Variants in DLG2 observed in about 807,000 individuals in gnomAD.
DLG2 encodes the protein disks large homolog 2.
In DLG2, 45 loss-of-function variants were observed where a neutral mutation model predicts 132.5. The observed-to-expected ratio is 0.34, with a 90% CI of 0.27 to 0.44. The LOEUF (loss-of-function observed/expected upper bound fraction) is 0.44. Ranked by LOEUF, DLG2 falls within the 20% of genes least tolerant of loss-of-function variation. The pLI is 1.00. For missense variants in DLG2, 1,045 were observed against 1,196.9 expected (o/e 0.87, Z 1.87); for synonymous variants, 424 against 419.6 (o/e 1.01, Z -0.13).
intron 10 of DLG2, among the ~76,000 whole-genome samples, chr11:84,069,476 C>A (rs1046006323): frequency 3.2e-4 from 49 of 152,264 alleles, no homozygotes; most frequent in Admixed American, 1.9e-3. Flanking sequence ...TCATTTTCTA[C>A]CTGAAACTCT....
intron 6 of DLG2, among the ~76,000 whole-genome samples, chr11:84,714,716 C>T (rs539403797): frequency 6.7e-6 from 1 of 150,238 alleles, no homozygotes; most frequent in East Asian, 2.0e-4. Flanking sequence ...CCATCTTTCC[C>T]TTCCTATCAT....
At chr11:83,893,737 T>C (rs140483363) in intron 15 of DLG2, among the ~76,000 whole-genome samples, 187 of 152,380 alleles carry the variant, frequency 1.2e-3, no homozygotes, top group African/African-American at 4.2e-3. Context: ...CTGAGAATTC[T>C]TTAATGCCAT....
intron 16 of DLG2, among the ~76,000 whole-genome samples, chr11:83,843,304 A>G (rs980048280): frequency 6.6e-6 from 1 of 152,022 alleles, no homozygotes; most frequent in African/African-American, 2.4e-5. Context: ...ATTCTCATCT[A>G]TCTAACGAGG....
chr11:85,415,474 C>T (rs184290028), intron 3 of DLG2, among the ~76,000 whole-genome samples: 16 of 152,310 alleles, frequency 1.1e-4, no homozygotes, highest in East Asian at 3.9e-4. Flanking sequence ...ACACTCCCAA[C>T]GACAGTGTAA....
intron 7 of DLG2, among the ~76,000 whole-genome samples, chr11:84,476,252 G>A (rs1212424303): frequency 6.6e-6 from 1 of 152,076 alleles, no homozygotes; most frequent in Non-Finnish European, 1.5e-5. Flanking sequence ...CTTGTGTGCT[G>A]ACCTTCACTT....
intron 15 of DLG2, among the ~76,000 whole-genome samples, chr11:83,921,002 C>G (rs1268468269): frequency 6.6e-6 from 1 of 152,102 alleles, no homozygotes; most frequent in African/African-American, 2.4e-5. Context: ...CTATAATATT[C>G]AGTCAATATT....
At chr11:83,653,564 T>C (rs1431087325) in intron 18 of DLG2, among the ~76,000 whole-genome samples, 1 of 152,224 alleles carries the variant, frequency 6.6e-6, no homozygotes, top group Non-Finnish European at 1.5e-5. Context: ...GTCATATCCA[T>C]GCATAAAGTC....
chr11:84,027,685 C>A (rs984440267), intron 11 of DLG2, among the ~76,000 whole-genome samples: 1 of 151,800 alleles, frequency 6.6e-6, no homozygotes, highest in Non-Finnish European at 1.5e-5. Flanking sequence ...CTTATTAACT[C>A]TCACCCTCAT....
intron 6 of DLG2, among the ~76,000 whole-genome samples, chr11:84,664,543 A>AT (rs1565599139): frequency 6.6e-6 from 1 of 152,154 alleles, no homozygotes; most frequent in African/African-American, 2.4e-5. Context: ...AAATTACCAC[A>AT]TATTGTAACA....
chr11:84,066,071 G>A (rs535328033), intron 10 of DLG2, among the ~76,000 whole-genome samples: 15 of 152,232 alleles, frequency 9.9e-5, no homozygotes, highest in African/African-American at 3.6e-4. Context: ...CTACTTGAGA[G>A]TGGAAGTTGG....
intron 3 of DLG2, among the ~76,000 whole-genome samples, chr11:85,438,040 G>T (rs527351869): frequency 4.7e-4 from 71 of 152,320 alleles, no homozygotes; most frequent in Middle Eastern, 3.4e-3. Context: ...ATCTGCTTCT[G>T]ATGAGGGCTT....
At chr11:85,582,309 G>A (rs1386006174) in intron 3 of DLG2, among the ~76,000 whole-genome samples, 1 of 151,996 alleles carries the variant, frequency 6.6e-6, no homozygotes, top group Non-Finnish European at 1.5e-5. Flanking sequence ...AAGAGGAAGT[G>A]GTAAGTGGTG....
chr11:84,621,443 A>T (rs1018793930), intron 6 of DLG2, among the ~76,000 whole-genome samples: 1 of 152,172 alleles, frequency 6.6e-6, no homozygotes, highest in African/African-American at 2.4e-5. Context: ...GATTTCCTCA[A>T]TGAGTGGGAT....
intron 7 of DLG2, among the ~76,000 whole-genome samples, chr11:84,383,643 G>T (rs1222777852): frequency 8.5e-5 from 13 of 152,170 alleles, no homozygotes; most frequent in Admixed American, 8.5e-4. Context: ...AGTAGCTAAG[G>T]CATCTTCCAG....
At chr11:84,068,717 G>C (rs1222978726) in intron 10 of DLG2, among the ~76,000 whole-genome samples, 1 of 152,102 alleles carries the variant, frequency 6.6e-6, no homozygotes, top group Non-Finnish European at 1.5e-5. Flanking sequence ...TCATTATACT[G>C]AGTTTATTTG....
intron 3 of DLG2, among the ~76,000 whole-genome samples, chr11:85,413,603 G>T (rs1436837139): frequency 6.6e-6 from 1 of 151,968 alleles, no homozygotes; most frequent in Non-Finnish European, 1.5e-5. Flanking sequence ...TGAGGATCCA[G>T]TTTCATTCTC....
intron 3 of DLG2, among the ~76,000 whole-genome samples, chr11:85,350,635 AG>A (rs1403255397): frequency 6.6e-6 from 1 of 152,210 alleles, no homozygotes. Flanking sequence ...ATGGCTAGCC[AG>A]TTTTCCCAGC....
chr11:85,492,074 T>C (rs2093572772), intron 3 of DLG2, among the ~76,000 whole-genome samples: 1 of 152,092 alleles, frequency 6.6e-6, no homozygotes, highest in African/African-American at 2.4e-5. Flanking sequence ...TAGTTAACAA[T>C]GTAATATATT....
intron 8 of DLG2, among the ~76,000 whole-genome samples, chr11:84,228,734 A>T (rs939178975): frequency 1.3e-5 from 2 of 152,168 alleles, no homozygotes; most frequent in African/African-American, 4.8e-5. Context: ...CAGAAAAAAA[A>T]TTTAAAGGAC....
Sources: gnomAD v4.1 joint callset for allele counts (sites outside exome capture counted in the v4.1 genomes callset) on GRCh38, gnomAD v4.1.1 for gene constraint, MANE v1.5 for transcripts, NCBI Gene and HGNC (gene_info 2026-07-23, HGNC 2026-07-21) for gene names.